Variants in SIPA1L1 observed in about 807,000 individuals in gnomAD.
SIPA1L1 encodes the protein signal induced proliferation associated 1 like 1, also known as signal-induced proliferation-associated 1-like protein 1.
In SIPA1L1, 26 loss-of-function variants were observed where a neutral mutation model predicts 162.7. The ratio of observed to expected loss-of-function variants is 0.16; its 90% CI spans 0.12 to 0.22. The LOEUF (loss-of-function observed/expected upper bound fraction) is 0.22, where lower values mean the gene tolerates loss of function less well. Among genes scored for constraint, SIPA1L1 ranks in the 10% least tolerant of loss-of-function variants. The pLI is 1.00. For missense variants in SIPA1L1, 1,874 were observed against 2,241.0 expected (o/e 0.84, Z 3.31); for synonymous variants, 829 against 837.4 (o/e 0.99, Z 0.17).
At chr14:71,403,639 T>G (rs1350875417) in intron 2 of SIPA1L1, among the ~76,000 whole-genome samples, 1 of 151,916 alleles carries the variant, frequency 6.6e-6, no homozygotes, top group African/African-American at 2.4e-5. Context: ...AATCATATTG[T>G]TTTCACATTC....
chr14:71,577,769 T>A (rs1048866412), intron 4 of SIPA1L1, among the ~76,000 whole-genome samples: 1 of 144,008 alleles, frequency 6.9e-6, no homozygotes, highest in African/African-American at 2.6e-5. Flanking sequence ...TCTTGCTCTG[T>A]CACCCAAGCT....
intron 2 of SIPA1L1, among the ~76,000 whole-genome samples, chr14:71,467,443 C>G (rs1269074305): frequency 6.6e-6 from 1 of 152,124 alleles, no homozygotes; most frequent in Admixed American, 6.5e-5. Flanking sequence ...GTGCTTAATG[C>G]CAAGAGCAGA....
intron 17 of SIPA1L1, among the ~76,000 whole-genome samples, chr14:71,719,779 A>G (rs1163879375): frequency 6.6e-6 from 1 of 152,246 alleles, no homozygotes; most frequent in Non-Finnish European, 1.5e-5. Context: ...GACATGAGAC[A>G]CTGCACCTGG....
intron 4 of SIPA1L1, among the ~76,000 whole-genome samples, chr14:71,546,084 G>A (rs887166075): frequency 1.3e-5 from 2 of 151,404 alleles, no homozygotes; most frequent in Non-Finnish European, 2.9e-5. Context: ...CCCTGTCTCA[G>A]GAAAAAAAAA....
rs1207955821 is a variant in SIPA1L1 at position 71,685,570 on chromosome 14, C to T, written c.3313C>T (p.Pro1105Ser). The change falls in exon 13 of 24, where the codon CCA becomes TCA. Residue 1105 changes from proline to serine, a missense_variant. This residue lies in a region of SIPA1L1 where 936 missense variants were observed against 1,051.9 expected (regional missense o/e 0.89). Transcript: ENST00000381232. ...AAAAGGAGATGGGAAGATGCCTCCT[C>T]CAGAAAGAGCCGCCAACATCCCTCG... ...AGKGDGKMPP[P>S]ERAANIPRSI... The T allele has an allele frequency of 1.2e-6, 2 of 1,614,082 alleles. No homozygotes were observed. The highest frequency in any genetic ancestry group is 3.3e-5 in the Admixed American group (2 of 60,008).
At chr14:71,461,287 G>A (rs2046584687) in intron 2 of SIPA1L1, among the ~76,000 whole-genome samples, 1 of 152,160 alleles carries the variant, frequency 6.6e-6, no homozygotes, top group Non-Finnish European at 1.5e-5. Context: ...CTGGCAAATT[G>A]GGCACTCAGA....
At chr14:71,717,627 C>A (rs1479683139) in intron 17 of SIPA1L1, among the ~76,000 whole-genome samples, 3 of 152,124 alleles carry the variant, frequency 2.0e-5, no homozygotes, top group African/African-American at 7.2e-5. Flanking sequence ...CCACACAGCT[C>A]CCCTTAAAAA....
chr14:71,506,319 A>G (rs963210428), intron 2 of SIPA1L1, among the ~76,000 whole-genome samples: 1 of 152,042 alleles, frequency 6.6e-6, no homozygotes, highest in South Asian at 2.1e-4. Flanking sequence ...GAGTGCCATT[A>G]ATTACTTGTC....
intron 12 of SIPA1L1, among the ~76,000 whole-genome samples, 155 bp from the exon 13 acceptor site, chr14:71,685,207 G>C (rs887263820): frequency 1.3e-5 from 2 of 152,148 alleles, no homozygotes; most frequent in Non-Finnish European, 2.9e-5. Context: ...TTTTTGAAAA[G>C]AAAATAAGTA....
intron 2 of SIPA1L1, among the ~76,000 whole-genome samples, chr14:71,384,407 G>T (rs1326447971): frequency 6.6e-6 from 1 of 152,230 alleles, no homozygotes; most frequent in Non-Finnish European, 1.5e-5. Flanking sequence ...GTTGGCAGAA[G>T]GGAGAGGGGC....
intron 16 of SIPA1L1, among the ~76,000 whole-genome samples, chr14:71,705,933 T>TCCCTGATA (rs2082404798): frequency 6.6e-6 from 1 of 152,112 alleles, no homozygotes; most frequent in Non-Finnish European, 1.5e-5. Context: ...CCACTCTTCT[T>TCCCTGATA]CCCTGATACC....
At chr14:71,559,852 G>C (rs2056645385) in intron 4 of SIPA1L1, among the ~76,000 whole-genome samples, 2 of 150,406 alleles carry the variant, frequency 1.3e-5, no homozygotes, top group South Asian at 4.2e-4. Context: ...TTTGTATAAA[G>C]TTTCACTTCA....
chr14:71,393,880 G>T (rs143563886), intron 2 of SIPA1L1, among the ~76,000 whole-genome samples: 49 of 152,278 alleles, frequency 3.2e-4, no homozygotes, highest in East Asian at 2.7e-3. Context: ...TGGTTATCCA[G>T]GGCTGATCAG....
chr14:71,611,165 G>T (rs2148322160), intron 5 of SIPA1L1, among the ~76,000 whole-genome samples: 1 of 152,290 alleles, frequency 6.6e-6, no homozygotes, highest in South Asian at 2.1e-4. Flanking sequence ...CTTCCCAGGA[G>T]AGCCATTCTT....
intron 2 of SIPA1L1, among the ~76,000 whole-genome samples, chr14:71,360,040 T>C (rs992587198): frequency 6.6e-6 from 1 of 152,174 alleles, no homozygotes; most frequent in Non-Finnish European, 1.5e-5. Context: ...AGTGAAGGCA[T>C]CAAGATCTCC....
intron 2 of SIPA1L1, among the ~76,000 whole-genome samples, chr14:71,384,607 A>C (rs769514247): frequency 2.0e-5 from 3 of 152,192 alleles, no homozygotes; most frequent in Non-Finnish European, 4.4e-5. Context: ...CCAGCAAAAC[A>C]TTTGCCATGT....
rs536449579 is a variant in SIPA1L1 at position 71,407,535 on chromosome 14, C to G, written c.-465+86354C>G. Among the ~76,000 whole-genome samples, 9 of 145,514 alleles carry G rather than the reference C, an allele frequency of 6.2e-5. No individual in the cohort carries two copies. The South Asian group carries it at 1.4e-3, about 22-fold the overall frequency. The stretch of plus-strand genomic sequence containing the variant: ...CCCTCCTTTCCCTCCCTCCCAGGGT[C>G]TCACTTTGTTGCCCAGTTGGGAGTG... On this transcript the variant is annotated intron_variant, in intron 2 of 23. Transcript: ENST00000381232.
rs547338635 is a variant in SIPA1L1, at chr14:71,389,289, A to T, written c.-465+68108A>T. Among the ~76,000 whole-genome samples the T allele has an allele frequency of 3.9e-5, 6 of 152,328 alleles. No individual in the cohort carries two copies. In the East Asian group the frequency reaches 1.2e-3, roughly 29 times the overall value. ...GCTTAGGGGTTTTAAGAGGAAAGAA[A>T]AATGAGTTGTACAAGGCATCTGTCT... is the stretch of plus-strand genomic sequence containing the variant. On this transcript the variant is annotated intron_variant, in intron 2 of 23. Coordinates refer to ENST00000381232, the MANE Select transcript of SIPA1L1 (RefSeq NM_001386936.1).
chr14:71,706,814 G>A (rs1273748404), intron 16 of SIPA1L1, among the ~76,000 whole-genome samples: 7 of 152,006 alleles, frequency 4.6e-5, no homozygotes, highest in African/African-American at 9.7e-5. Context: ...CAGGTGGATC[G>A]CTTGAGGTCA....
Sources: allele counts gnomAD v4.1 joint callset (sites outside exome capture counted in the v4.1 genomes callset), GRCh38; gene constraint gnomAD v4.1.1; regional missense constraint gnomAD v4.1.1; transcripts MANE v1.5; gene names NCBI Gene and HGNC (gene_info 2026-07-23, HGNC 2026-07-21).